Variants in PAX5 observed in about 807,000 individuals in gnomAD.
The protein encoded by PAX5 is paired box protein Pax-5.
A neutral mutation model predicts 43.7 loss-of-function variants in PAX5; 9 were observed. That is an observed-to-expected ratio of 0.21 (90% CI 0.12 to 0.36). The LOEUF is 0.36. Among genes scored for constraint, PAX5 ranks in the 10% least tolerant of loss-of-function variants. The probability of loss-of-function intolerance (pLI) is 1.00; values close to 1 mark genes in which losing one functional copy is unlikely to be tolerated. For synonymous variants in PAX5, 228 were observed against 214.3 expected (o/e 1.06, Z -0.56); for missense variants, 383 against 532.7 (o/e 0.72, Z 2.77).
In PAX5 at chr9:36,882,409, G is replaced by GCAAGGCAGGC. The variant is rs1376379356; in HGVS notation, c.911-305_911-304insGCCTGCCTTG. ...TGCTTGGGGAGGCTAGGCAATGCAG[G>GCAAGGCAGGC]TGACAGCACGCCCCGACTCCAGCCA... On this transcript the variant is annotated intron_variant, in intron 7 of 9. Transcript: ENST00000358127. This position sits in a 1 kb window ranked among gnomAD's most constrained non-coding sequence, Gnocchi z 4.4. Among the ~76,000 whole-genome samples, 1 of 152,100 alleles carries GCAAGGCAGGC rather than the reference G, an allele frequency of 6.6e-6. No individual in the cohort carries two copies. The highest frequency in any genetic ancestry group is 1.9e-4 in the East Asian group (1 of 5,190).
intron 5 of PAX5, among the ~76,000 whole-genome samples, chr9:36,989,915 C>A (rs1051431156): frequency 6.6e-6 from 1 of 152,192 alleles, no homozygotes; most frequent in Non-Finnish European, 1.5e-5. Flanking sequence ...ACAGTTCCTG[C>A]CTTCATGGAG....
At chr9:36,948,081 T>A (rs1351327553) in intron 6 of PAX5, among the ~76,000 whole-genome samples, 1 of 152,142 alleles carries the variant, frequency 6.6e-6, no homozygotes, top group Non-Finnish European at 1.5e-5. Context: ...TCACACCAGC[T>A]CTGTGCTAGC....
intron 5 of PAX5, among the ~76,000 whole-genome samples, chr9:36,978,530 G>T (rs867914839): frequency 1.4e-5 from 2 of 141,936 alleles, no homozygotes; most frequent in Admixed American, 7.1e-5. Context: ...AAATAAAAGG[G>T]TTTAAAAATC....
At chr9:36,962,999 T>A (rs1192060029) in intron 6 of PAX5, among the ~76,000 whole-genome samples, 1 of 152,228 alleles carries the variant, frequency 6.6e-6, no homozygotes, top group African/African-American at 2.4e-5. Context: ...CTGACATCCC[T>A]TCCCAGCCTG....
chr9:36,933,731 A>G (rs1419690140), intron 6 of PAX5, among the ~76,000 whole-genome samples: 2 of 152,212 alleles, frequency 1.3e-5, no homozygotes, highest in African/African-American at 4.8e-5. Context: ...CTGGACACAC[A>G]AAATTCCACC....
chr9:37,020,918 T>C, intron 1 of PAX5, 117 bp from the exon 2 acceptor site: 1 of 1,063,550 alleles, frequency 9.4e-7, no homozygotes, highest in Non-Finnish European at 1.4e-6. Context: ...GCAGGCTGGA[T>C]GTCTCGCGCC....
At chr9:36,920,297 A>T (rs763217951) in intron 7 of PAX5, among the ~76,000 whole-genome samples, 7 of 152,252 alleles carry the variant, frequency 4.6e-5, no homozygotes, top group Non-Finnish European at 1.0e-4. Context: ...ATCAAACAGC[A>T]TCATATGCTA....
intron 5 of PAX5, among the ~76,000 whole-genome samples, chr9:36,984,878 T>A (rs1410206054): frequency 6.6e-6 from 1 of 152,174 alleles, no homozygotes; most frequent in East Asian, 1.9e-4. Context: ...TAGAGGGCAA[T>A]TTTTTCCCAG....
intron 7 of PAX5, among the ~76,000 whole-genome samples, chr9:36,902,636 G>A (rs1372935542): frequency 6.6e-6 from 1 of 152,190 alleles, no homozygotes; most frequent in Non-Finnish European, 1.5e-5. Flanking sequence ...GGAGTGTTGG[G>A]GGCATGGGAA....
intron 7 of PAX5, among the ~76,000 whole-genome samples, chr9:36,909,593 G>A (rs373725622): frequency 2.0e-5 from 3 of 152,150 alleles, no homozygotes; most frequent in African/African-American, 7.2e-5. Flanking sequence ...GGAAGGATGG[G>A]GTGACTGGGT....
At chr9:37,004,561 AC>A (rs1049515997) in intron 4 of PAX5, among the ~76,000 whole-genome samples, 35 of 152,224 alleles carry the variant, frequency 2.3e-4, no homozygotes, top group Middle Eastern at 3.2e-3. Context: ...CTTTCTTCTC[AC>A]ATTTCAGTTT....
intron 6 of PAX5, among the ~76,000 whole-genome samples, chr9:36,962,506 A>G (rs1449492082): frequency 2.0e-5 from 3 of 152,122 alleles, no homozygotes; most frequent in East Asian, 1.9e-4. Context: ...CAATGAGAGG[A>G]TGGATGTGAA....
chr9:36,998,596 T>A (rs1837595011), intron 5 of PAX5, among the ~76,000 whole-genome samples: 1 of 152,234 alleles, frequency 6.6e-6, no homozygotes, highest in South Asian at 2.1e-4. Flanking sequence ...ATGTAGCTAC[T>A]GTGCACTTGA....
chr9:36,991,190 A>G (rs1257619370), intron 5 of PAX5, among the ~76,000 whole-genome samples: 3 of 152,206 alleles, frequency 2.0e-5, no homozygotes, highest in Non-Finnish European at 2.9e-5. Context: ...AAAGATTTCA[A>G]AAGCATTTTT....
At chr9:36,842,687 C>G (rs16933640) in intron 9 of PAX5, among the ~76,000 whole-genome samples, 8,026 of 152,244 alleles carry the variant, frequency 0.053, 354 homozygotes, top group East Asian at 0.17. Flanking sequence ...CAGTCATTCC[C>G]GGTTCTGCTT....
chr9:36,947,713 C>CAT (rs142170684), intron 6 of PAX5, among the ~76,000 whole-genome samples: 12 of 151,628 alleles, frequency 7.9e-5, no homozygotes, highest in Middle Eastern at 3.4e-3. Context: ...TGTGTGTGAA[C>CAT]ATATATATAT....
rs758672654 is a variant in PAX5, at chr9:36,923,436, T to C, written c.829A>G (p.Met277Val). The C allele has an allele frequency of 1.1e-5, 18 of 1,612,700 alleles. No individual in the cohort carries two copies. The highest frequency in any genetic ancestry group is 1.6e-4 in the Middle Eastern group (1 of 6,084). ...MASLAGGLDD[M>V]KANLASPTPA... The stretch of plus-strand genomic sequence containing the variant: ...GTGGGGCTGGCCAGATTGGCCTTCA[T>C]GTCGTCCAGCCCACCAGCCAGCGAG... Residue 277 changes from methionine (M) to valine (V), a missense_variant, in exon 7 of 10, where the codon ATG becomes GTG. Around this residue, in one of 5 missense-constraint regions of PAX5, gnomAD observed 291 missense variants for 342.5 expected, o/e 0.85. Transcript: ENST00000358127.
rs1003849684 is a variant in PAX5 at position 36,840,295 on chromosome 9, G to T, written c.*265C>A. Reference sequence around the variant, plus strand: ...GGGCTGGGGCTGCGGTTATTTGCAGGACAGTCTATTGGTTTGCAGAGACCC... The same window carrying T: ...GGGCTGGGGCTGCGGTTATTTGCAGTACAGTCTATTGGTTTGCAGAGACCC... On this transcript the variant is annotated 3_prime_UTR_variant, in exon 10 of 10. Transcript: ENST00000358127. The T allele has an allele frequency of 3.3e-5, 19 of 577,942 alleles. No individual in the cohort carries two copies. Among genetic ancestry groups the T allele is most frequent in the Non-Finnish European group, 5.5e-5 (18 of 324,458 alleles). 35.8% of individuals were successfully genotyped at this position (577,942 alleles called of 1,614,324 possible). A position where few individuals can be genotyped will look rare whatever the true frequency, so the allele number is the denominator to read the frequency against.
intron 5 of PAX5, among the ~76,000 whole-genome samples, chr9:36,982,822 C>T (rs1399911618): frequency 6.6e-6 from 1 of 152,082 alleles, no homozygotes; most frequent in Non-Finnish European, 1.5e-5. Context: ...ACAATACCTG[C>T]AGATTTTGCT....
Sources: allele counts gnomAD v4.1 joint callset (sites outside exome capture counted in the v4.1 genomes callset), GRCh38; gene constraint gnomAD v4.1.1; regional missense constraint gnomAD v4.1.1; non-coding constraint Gnocchi (gnomAD v3.1); transcripts MANE v1.5; gene names NCBI Gene and HGNC (gene_info 2026-07-23, HGNC 2026-07-21).